Variants in PRMT9 observed in about 807,000 individuals in gnomAD.
PRMT9 encodes the protein protein arginine N-methyltransferase 9.
Under a neutral mutation model 83.2 loss-of-function variants are expected in PRMT9, and 59 were observed. That is an observed-to-expected ratio of 0.71 (90% CI 0.57 to 0.88). The LOEUF is 0.88. PRMT9 is among the 40% of genes least tolerant of loss of function. The probability of loss-of-function intolerance (pLI) is 0.00; values close to 1 mark genes in which losing one functional copy is unlikely to be tolerated. For synonymous variants in PRMT9, 333 were observed against 353.2 expected (o/e 0.94, Z 0.64); for missense variants, 947 against 1,021.9 (o/e 0.93, Z 1.00).
intron 5 of PRMT9, among the ~76,000 whole-genome samples, chr4:147,670,338 C>T (rs1451365006): frequency 1.3e-5 from 2 of 152,174 alleles, no homozygotes; most frequent in Admixed American, 6.5e-5. Context: ...CGCCACCACA[C>T]CCGGCTAATT....
chr4:147,661,629 A>G (rs1008297328), intron 6 of PRMT9, among the ~76,000 whole-genome samples: 1 of 151,970 alleles, frequency 6.6e-6, no homozygotes, highest in African/African-American at 2.4e-5. Flanking sequence ...TCTCTACTAA[A>G]AATACAAAAG....
intron 2 of PRMT9, among the ~76,000 whole-genome samples, chr4:147,676,703 TAA>T (rs1736098928): frequency 6.6e-6 from 1 of 152,214 alleles, no homozygotes; most frequent in East Asian, 1.9e-4. Context: ...GACTAGCTAA[TAA>T]AGTTTGGCAA....
chr4:147,655,865 C>A (rs1008775471), intron 8 of PRMT9, among the ~76,000 whole-genome samples: 1 of 152,076 alleles, frequency 6.6e-6, no homozygotes, highest in Non-Finnish European at 1.5e-5. Flanking sequence ...ATGTAAATGT[C>A]CTTTCTCTAA....
intron 2 of PRMT9, among the ~76,000 whole-genome samples, chr4:147,676,493 A>C (rs1463863938): frequency 6.6e-6 from 1 of 152,226 alleles, no homozygotes; most frequent in Non-Finnish European, 1.5e-5. Flanking sequence ...AATTTGTAGA[A>C]AATGGATGCT....
Position 147,638,291 on chromosome 4 carries a change from AAAG to A in PRMT9, c.*238_*240del. 1 of 513,464 alleles carries A rather than the reference AAAG, an allele frequency of 1.9e-6. No individual in the cohort carries two copies. The highest frequency in any genetic ancestry group is 3.5e-6 in the Non-Finnish European group (1 of 287,654). The allele number at this position is 513,464 out of a possible 1,614,324, so 31.8% of individuals were successfully genotyped here. On this transcript the variant is annotated 3_prime_UTR_variant, in exon 12 of 12. Transcript: ENST00000322396. ...AATCCCTATTCTGTAAAATCGAGCA[AAAG>A]AAGTTTCCTAATTTAAAAAACTAGT...
intron 5 of PRMT9, among the ~76,000 whole-genome samples, chr4:147,669,721 C>A (rs1030243133): frequency 2.0e-5 from 3 of 151,958 alleles, no homozygotes; most frequent in African/African-American, 7.3e-5. Context: ...CTCTTTTCAA[C>A]CTTTAACTAG....
At chr4:147,658,520 A>C (rs1734700377) in intron 7 of PRMT9, among the ~76,000 whole-genome samples, 1 of 152,190 alleles carries the variant, frequency 6.6e-6, no homozygotes, top group Non-Finnish European at 1.5e-5. Flanking sequence ...TGAAAGTCTT[A>C]AACAGGCAGG....
At chr4:147,662,159 T>C (rs953478693) in intron 6 of PRMT9, among the ~76,000 whole-genome samples, 6 of 152,134 alleles carry the variant, frequency 3.9e-5, no homozygotes, top group African/African-American at 1.4e-4. Context: ...CAGACAAATC[T>C]AGTATAGTCA....
intron 9 of PRMT9, among the ~76,000 whole-genome samples, chr4:147,647,707 G>A (rs1207724020): frequency 6.6e-6 from 1 of 151,966 alleles, no homozygotes; most frequent in Non-Finnish European, 1.5e-5. Flanking sequence ...ATTTTTAGTA[G>A]AGACGGGGTT....
At chr4:147,650,610 G>GT (rs573331604) in intron 9 of PRMT9, among the ~76,000 whole-genome samples, 1 of 152,128 alleles carries the variant, frequency 6.6e-6, no homozygotes. Flanking sequence ...CCCCAAGAGT[G>GT]TTTTTTGTAG....
chr4:147,680,938 C>G (rs1736427093), intron 1 of PRMT9, among the ~76,000 whole-genome samples: 1 of 152,246 alleles, frequency 6.6e-6, no homozygotes, highest in Non-Finnish European at 1.5e-5. Flanking sequence ...TTCAACCCGG[C>G]AATGGATCTC....
chr4:147,641,664 A>G, intron 10 of PRMT9, among the ~76,000 whole-genome samples: 1 of 152,080 alleles, frequency 6.6e-6, no homozygotes, highest in Admixed American at 6.5e-5. Flanking sequence ...CTAAATGTAC[A>G]TGTAGTAGAC....
chr4:147,671,254 A>C (rs185691052), intron 4 of PRMT9, among the ~76,000 whole-genome samples: 13 of 152,192 alleles, frequency 8.5e-5, no homozygotes, highest in Non-Finnish European at 1.6e-4. Flanking sequence ...CTCAAAATCT[A>C]TCTCTACCTT....
intron 5 of PRMT9, among the ~76,000 whole-genome samples, chr4:147,669,925 A>G (rs1322346786): frequency 6.6e-6 from 1 of 152,194 alleles, no homozygotes; most frequent in African/African-American, 2.4e-5. Flanking sequence ...AGGTACCTGA[A>G]AACAGAACCA....
intron 7 of PRMT9, among the ~76,000 whole-genome samples, chr4:147,658,865 A>C (rs1449565702): frequency 1.3e-5 from 2 of 152,082 alleles, no homozygotes; most frequent in Non-Finnish European, 2.9e-5. Context: ...TTAGGAGGCC[A>C]AGGTGGGTGG....
chr4:147,658,867 G>A (rs1192589220), intron 7 of PRMT9, among the ~76,000 whole-genome samples: 2 of 152,122 alleles, frequency 1.3e-5, no homozygotes, highest in African/African-American at 4.8e-5. Flanking sequence ...AGGAGGCCAA[G>A]GTGGGTGGAT....
At chr4:147,669,331 C>T (rs922821720) in intron 5 of PRMT9, among the ~76,000 whole-genome samples, 6 of 151,974 alleles carry the variant, frequency 3.9e-5, no homozygotes, top group South Asian at 2.1e-4. Context: ...AGCTAAAAAA[C>T]GTGCCACTGT....
intron 6 of PRMT9, among the ~76,000 whole-genome samples, chr4:147,665,583 G>C (rs1452916634): frequency 6.6e-6 from 1 of 152,082 alleles, no homozygotes; most frequent in East Asian, 1.9e-4. Flanking sequence ...GGATGCCCCA[G>C]AATCATATTG....
intron 10 of PRMT9, 40 bp from the exon 11 acceptor site, chr4:147,639,122 T>C (rs1336240491): frequency 6.2e-7 from 1 of 1,609,780 alleles, no homozygotes; most frequent in Admixed American, 1.7e-5. Context: ...CTTTTTCTTT[T>C]TGTGGTCAGG....
Sources: allele counts gnomAD v4.1 joint callset (sites outside exome capture counted in the v4.1 genomes callset), GRCh38; gene constraint gnomAD v4.1.1; transcripts MANE v1.5; gene names NCBI Gene and HGNC (gene_info 2026-07-23, HGNC 2026-07-21).